The following PHKB variants were observed in gnomAD, a reference collection of about 807,000 sequenced individuals.
PHKB encodes phosphorylase kinase regulatory subunit beta.
PHKB carries 122 observed loss-of-function variants against 152.1 expected under a neutral mutation model. The observed-to-expected ratio is 0.80, with a 90% CI of 0.69 to 0.93. PHKB has a LOEUF of 0.93. Among genes scored for constraint, PHKB ranks in the 40% least tolerant of loss-of-function variants. The pLI is 0.00. For missense variants in PHKB, 1,304 were observed against 1,328.4 expected (o/e 0.98, Z 0.29); for synonymous variants, 436 against 464.9 (o/e 0.94, Z 0.80).
intron 14 of PHKB, among the ~76,000 whole-genome samples, chr16:47,629,191 A>C (rs1419920262): frequency 6.6e-6 from 1 of 152,104 alleles, no homozygotes; most frequent in Non-Finnish European, 1.5e-5. Flanking sequence ...ATTAAACTAA[A>C]GAGCTTCTGC....
At chr16:47,548,213 A>C (rs572554541) in intron 7 of PHKB, 1 of 152,728 alleles carries the variant, frequency 6.5e-6, no homozygotes, top group East Asian at 1.9e-4. Flanking sequence ...ACAAAATAAT[A>C]TAGTTCAATA....
chr16:47,599,155 T>C (rs1190029827), intron 13 of PHKB, among the ~76,000 whole-genome samples: 1 of 152,222 alleles, frequency 6.6e-6, no homozygotes, highest in Non-Finnish European at 1.5e-5. Context: ...CATATTTTAG[T>C]AGAGTACTAG....
chr16:47,527,091 C>A (rs1159138250), intron 6 of PHKB, among the ~76,000 whole-genome samples: 7 of 152,146 alleles, frequency 4.6e-5, no homozygotes, highest in Non-Finnish European at 1.0e-4. Context: ...GGTGCTAAAC[C>A]ATTTATAAGA....
chr16:47,678,219 A>T (rs917355817), intron 26 of PHKB, among the ~76,000 whole-genome samples: 2 of 151,992 alleles, frequency 1.3e-5, no homozygotes, highest in African/African-American at 4.8e-5. Flanking sequence ...GAATAGTGCC[A>T]CAATAAACAT....
intron 27 of PHKB, among the ~76,000 whole-genome samples, chr16:47,692,095 C>T (rs569535087): frequency 8.5e-5 from 13 of 152,262 alleles, no homozygotes; most frequent in South Asian, 6.2e-4. Flanking sequence ...AATGCAAGCC[C>T]GTGCCTATTA....
Position 47,654,809 on chromosome 16 carries a change from G to C in PHKB, c.1971+3888G>C, listed in dbSNP as rs192103061. 5.3e-3 allele frequency among the ~76,000 whole-genome samples: 781 copies of C among 147,784 alleles called. 11 individuals are homozygous for C. The highest frequency in any genetic ancestry group is 0.018 in the African/African-American group (718 of 39,740). On this transcript the variant is annotated intron_variant, in intron 20 of 30. Coordinates refer to ENST00000323584, the MANE Select transcript of PHKB (RefSeq NM_000293.3). ...ACACACCAGGGCCTGTTGTGTGGTG[G>C]GGGGAGGGGGGAGGGATAGCATTAG...
intron 23 of PHKB, 76 bp downstream of exon 23, chr16:47,661,876 A>G (rs1973451484): frequency 1.1e-6 from 1 of 898,588 alleles, no homozygotes; most frequent in South Asian, 1.3e-5. Context: ...TGCATAAGCT[A>G]TCCACTAAAA....
chr16:47,536,931 T>C (rs575356856), intron 6 of PHKB, among the ~76,000 whole-genome samples: 31 of 152,206 alleles, frequency 2.0e-4, no homozygotes, highest in Non-Finnish European at 4.0e-4. Flanking sequence ...GGAAGATTCA[T>C]AGAAAAGTGT....
intron 14 of PHKB, among the ~76,000 whole-genome samples, chr16:47,639,349 G>C (rs565903887): frequency 6.6e-6 from 1 of 152,192 alleles, no homozygotes; most frequent in Non-Finnish European, 1.5e-5. Flanking sequence ...AGAACAGATA[G>C]TTTCAACTTT....
rs1019860879 is a variant in PHKB, at chr16:47,699,256, C to A, written c.3172C>A (p.Pro1058Thr). ...TGACATGACTTCCTTTTACAACACT[C>A]CTCCCCTGGGAAAAAGAGGAACATG... The part of the protein sequence containing the change: ...QDDMTSFYNT[P>T]PLGKRGTCSY... The change falls in exon 31 of 31, where the codon CCT becomes ACT. Residue 1058 changes from proline (P) to threonine (T), a missense_variant. Physicochemically the swap from Pro to Thr is conservative, Grantham distance 38. Coordinates refer to ENST00000323584, the MANE Select transcript of PHKB (RefSeq NM_000293.3). 3 of 1,613,840 alleles carry A rather than the reference C, an allele frequency of 1.9e-6. No homozygotes were observed. Among genetic ancestry groups the A allele is most frequent in the Admixed American group, 3.3e-5 (2 of 60,002 alleles).
chr16:47,497,590 A>G (rs898047924), intron 2 of PHKB, 102 bp downstream of exon 2: 19 of 761,568 alleles, frequency 2.5e-5, no homozygotes, highest in Non-Finnish European at 3.9e-5. Flanking sequence ...TTGTTCTGTC[A>G]TTGGGATTTG....
At chr16:47,582,421 C>T (rs1971862836) in intron 8 of PHKB, among the ~76,000 whole-genome samples, 1 of 152,148 alleles carries the variant, frequency 6.6e-6, no homozygotes, top group African/African-American at 2.4e-5. Flanking sequence ...ATTCTAAAAT[C>T]GCTAAATTAC....
intron 1 of PHKB, among the ~76,000 whole-genome samples, chr16:47,487,986 T>C (rs1364522014): frequency 6.6e-6 from 1 of 152,204 alleles, no homozygotes; most frequent in Non-Finnish European, 1.5e-5. Context: ...GAGTGATAGT[T>C]CTAAGTTCTT....
chr16:47,671,377 T>C (rs1973634900), intron 26 of PHKB, among the ~76,000 whole-genome samples: 2 of 152,200 alleles, frequency 1.3e-5, no homozygotes, highest in South Asian at 4.1e-4. Flanking sequence ...TTTTTAAATA[T>C]ACAGTACAGT....
In PHKB at chr16:47,661,673, C is replaced by T. The variant is rs199835045; in HGVS notation, c.2197-46C>T. 6.5e-6 allele frequency: 8 copies of T among 1,233,166 alleles called. No individual in the cohort carries two copies. In the East Asian group the frequency reaches 1.6e-4, roughly 25 times the overall value. 76.4% of individuals were successfully genotyped at this position (1,233,166 alleles called of 1,614,324 possible). A position where few individuals can be genotyped will look rare whatever the true frequency, so the allele number is the denominator to read the frequency against. On this transcript the variant is annotated intron_variant, in intron 22 of 30. Transcript: ENST00000323584. ...GATTAGTTACCCTCTGTGGTAACTG[C>T]TGTACCCATTTCATTCCAGTTCCTC...
At chr16:47,524,820 A>C (rs1167329278) in intron 6 of PHKB, among the ~76,000 whole-genome samples, 1 of 152,206 alleles carries the variant, frequency 6.6e-6, no homozygotes, top group East Asian at 1.9e-4. Flanking sequence ...AAATTCCTTC[A>C]TTCAGTATCC....
intron 7 of PHKB, among the ~76,000 whole-genome samples, chr16:47,574,986 A>G (rs1186686977): frequency 6.6e-6 from 1 of 152,186 alleles, no homozygotes; most frequent in East Asian, 1.9e-4. Flanking sequence ...GAGAGCAGAC[A>G]TTTTTGTTTT....
intron 20 of PHKB, among the ~76,000 whole-genome samples, chr16:47,659,846 G>T (rs537521012): frequency 6.6e-6 from 1 of 151,960 alleles, no homozygotes; most frequent in Non-Finnish European, 1.5e-5. Flanking sequence ...TTCCTAATTT[G>T]GATATTTTAT....
At chr16:47,581,893 T>C (rs1971854018) in intron 8 of PHKB, among the ~76,000 whole-genome samples, 1 of 152,194 alleles carries the variant, frequency 6.6e-6, no homozygotes. Flanking sequence ...TTGGCCAGGC[T>C]GGTCTCGAAC....
Sources: gnomAD v4.1 joint callset for allele counts (sites outside exome capture counted in the v4.1 genomes callset) on GRCh38, gnomAD v4.1.1 for gene constraint, MANE v1.5 for transcripts, NCBI Gene and HGNC (gene_info 2026-07-23, HGNC 2026-07-21) for gene names.